REDIC1: variants seen among roughly 807,000 people sequenced by gnomAD.
REDIC1 encodes HEI10 Interacting Protein 1.
chr12:39,781,765 C>T, the REDIC1 span, among the ~76,000 whole-genome samples: 7 of 152,142 alleles, frequency 4.6e-5, no homozygotes, highest in African/African-American at 1.2e-4. Flanking sequence ...AGACATTTGT[C>T]GTGCTTCTCT....
chr12:39,647,926 A>T, the REDIC1 span: 1 of 1,605,342 alleles, frequency 6.2e-7, no homozygotes, highest in South Asian at 1.1e-5. Context: ...TCACATCTGG[A>T]ATAGCACCTA....
At chr12:39,675,854 C>A in the REDIC1 span, among the ~76,000 whole-genome samples, 1 of 152,172 alleles carries the variant, frequency 6.6e-6, no homozygotes, top group Non-Finnish European at 1.5e-5. Context: ...TAGACCCAAT[C>A]ACTGCAGTCT....
chr12:39,718,297 T>C, the REDIC1 span, among the ~76,000 whole-genome samples: 1 of 152,122 alleles, frequency 6.6e-6, no homozygotes, highest in Non-Finnish European at 1.5e-5. Flanking sequence ...CTTCAAAACA[T>C]GTAAACTATT....
the REDIC1 span, among the ~76,000 whole-genome samples, chr12:39,726,556 T>G: frequency 1.3e-5 from 2 of 152,208 alleles, no homozygotes; most frequent in East Asian, 1.9e-4. Context: ...CTTTATCCAG[T>G]CTATCATTGA....
At chr12:39,807,769 G>A in the REDIC1 span, among the ~76,000 whole-genome samples, 1 of 152,042 alleles carries the variant, frequency 6.6e-6, no homozygotes, top group Non-Finnish European at 1.5e-5. Flanking sequence ...TGGAGAGTTG[G>A]GTCTTCTCCC....
the REDIC1 span, among the ~76,000 whole-genome samples, chr12:39,658,201 C>T: frequency 6.6e-6 from 1 of 152,146 alleles, no homozygotes; most frequent in Admixed American, 6.5e-5. Flanking sequence ...CTGCCTCAGC[C>T]TCTTAAGTAG....
chr12:39,683,539 A>G, the REDIC1 span: 4 of 1,354,394 alleles, frequency 3.0e-6, no homozygotes, highest in Non-Finnish European at 4.2e-6. Flanking sequence ...ATGATGCATG[A>G]TGAATGTTGA....
At chr12:39,779,723 C>A in the REDIC1 span, among the ~76,000 whole-genome samples, 1 of 152,140 alleles carries the variant, frequency 6.6e-6, no homozygotes, top group African/African-American at 2.4e-5. Flanking sequence ...TAAAACGTGA[C>A]TGTCTGTGAT....
At chr12:39,680,903 A>G in the REDIC1 span, among the ~76,000 whole-genome samples, 1 of 152,224 alleles carries the variant, frequency 6.6e-6, no homozygotes, top group East Asian at 1.9e-4. Flanking sequence ...GAAGTAACTC[A>G]GGAATGGAAA....
chr12:39,899,584 T>A, the REDIC1 span, among the ~76,000 whole-genome samples: 1 of 152,194 alleles, frequency 6.6e-6, no homozygotes, highest in Admixed American at 6.6e-5. Context: ...GGGTGTCAAT[T>A]TTGGATCTTT....
At chr12:39,686,205 G>A in the REDIC1 span, among the ~76,000 whole-genome samples, 6 of 152,216 alleles carry the variant, frequency 3.9e-5, no homozygotes, top group Non-Finnish European at 5.9e-5. Context: ...GAGACTCTCT[G>A]TGGGGGCTCC....
the REDIC1 span, among the ~76,000 whole-genome samples, chr12:39,772,876 CAT>C: frequency 6.6e-6 from 1 of 152,100 alleles, no homozygotes; most frequent in Non-Finnish European, 1.5e-5. Context: ...AGCTCCTCAT[CAT>C]CCTCATGCTG....
chr12:39,877,078 G>T, the REDIC1 span, among the ~76,000 whole-genome samples: 1 of 152,018 alleles, frequency 6.6e-6, no homozygotes, highest in Non-Finnish European at 1.5e-5. Flanking sequence ...ATTAAAAGAG[G>T]TTCTTTTAAC....
At chr12:39,776,296 T>C in the REDIC1 span, among the ~76,000 whole-genome samples, 1 of 152,192 alleles carries the variant, frequency 6.6e-6, no homozygotes, top group African/African-American at 2.4e-5. Flanking sequence ...TTAGGAGCTG[T>C]GGGGCCCACC....
the REDIC1 span, among the ~76,000 whole-genome samples, chr12:39,784,104 G>A: frequency 6.6e-6 from 1 of 152,190 alleles, no homozygotes; most frequent in African/African-American, 2.4e-5. Flanking sequence ...AACATTCCAT[G>A]CTCATGGATA....
the REDIC1 span, among the ~76,000 whole-genome samples, chr12:39,677,423 C>G: frequency 6.3e-3 from 954 of 152,114 alleles, 5 homozygotes; most frequent in African/African-American, 0.022. Context: ...GCACCTAACA[C>G]AGGAGCTCCC....
At chr12:39,800,485 AC>A in the REDIC1 span, among the ~76,000 whole-genome samples, 1 of 134,434 alleles carries the variant, frequency 7.4e-6, no homozygotes, top group Non-Finnish European at 1.6e-5. Flanking sequence ...GCCAAAAAAC[AC>A]ATGAAGAAAT....
At chr12:39,661,047 G>A in the REDIC1 span, among the ~76,000 whole-genome samples, 8 of 151,918 alleles carry the variant, frequency 5.3e-5, no homozygotes, top group Non-Finnish European at 1.0e-4. Flanking sequence ...TTTGTTATCC[G>A]TTCATCTACT....
At chr12:39,868,259 T>A in the REDIC1 span, among the ~76,000 whole-genome samples, 1 of 152,212 alleles carries the variant, frequency 6.6e-6, no homozygotes, top group East Asian at 1.9e-4. Flanking sequence ...AGTATTAGAT[T>A]TTGGAATTTT....
Sources: gnomAD v4.1 joint callset for allele counts (sites outside exome capture counted in the v4.1 genomes callset) on GRCh38, gnomAD v4.1.1 for gene constraint, MANE v1.5 for transcripts, NCBI Gene and HGNC (gene_info 2026-07-23, HGNC 2026-07-21) for gene names.